VPS54: variants seen among roughly 807,000 people sequenced by gnomAD.
VPS54 encodes the protein VPS54 subunit of GARP complex, also known as vacuolar protein sorting-associated protein 54.
In VPS54, 45 loss-of-function variants were observed where a neutral mutation model predicts 121.5. The ratio of observed to expected loss-of-function variants is 0.37; its 90% CI spans 0.29 to 0.47. The LOEUF (loss-of-function observed/expected upper bound fraction) is 0.47. VPS54 is among the 20% of genes least tolerant of loss of function. VPS54 has a pLI of 0.99. For missense variants in VPS54, 1,090 were observed against 1,131.4 expected, an observed-to-expected ratio of 0.96 and a Z score of 0.52; for synonymous variants, 371 against 385.8, an observed-to-expected ratio of 0.96 and a Z score of 0.45.
intron 20 of VPS54, among the ~76,000 whole-genome samples, chr2:63,910,102 C>T (rs140770336): frequency 1.3e-5 from 2 of 152,224 alleles, no homozygotes; most frequent in African/African-American, 2.4e-5. Context: ...CAGATTAGAA[C>T]ATGAAAGGTT....
intron 15 of VPS54, among the ~76,000 whole-genome samples, chr2:63,919,563 C>G (rs944308420): frequency 1.3e-5 from 2 of 152,040 alleles, no homozygotes; most frequent in African/African-American, 4.8e-5. Flanking sequence ...ATAAAAATTC[C>G]TTAACCCTTC....
intron 3 of VPS54, among the ~76,000 whole-genome samples, chr2:63,976,451 C>T (rs1676534979): frequency 6.6e-6 from 1 of 152,004 alleles, no homozygotes; most frequent in South Asian, 2.1e-4. Context: ...TCATGACAGC[C>T]TCACCAAATG....
intron 12 of VPS54, among the ~76,000 whole-genome samples, chr2:63,923,548 A>C (rs888185793): frequency 6.6e-6 from 1 of 152,184 alleles, no homozygotes; most frequent in African/African-American, 2.4e-5. Flanking sequence ...ACAGATAAAC[A>C]AAATGTGATA....
At chr2:63,997,164 C>T (rs1677636241) in intron 1 of VPS54, among the ~76,000 whole-genome samples, 1 of 152,268 alleles carries the variant, frequency 6.6e-6, no homozygotes, top group Non-Finnish European at 1.5e-5. Flanking sequence ...CCTGCAGTTT[C>T]GTTTTCTGAT....
In VPS54 at chr2:63,912,680, G is replaced by C. The variant is rs756806686; in HGVS notation, c.2423-19C>G. The C allele has an allele frequency of 1.3e-6, 2 of 1,547,382 alleles. No individual in the cohort carries two copies. The highest frequency in any genetic ancestry group is 1.7e-6 in the Non-Finnish European group (2 of 1,160,424). The stretch of plus-strand genomic sequence containing the variant: ...GAAAGAGCTGAAGATCCAGGGAGTA[G>C]ATATATAATGGAGAAATAAAAAAAA... On this transcript the variant is annotated intron_variant, in intron 18 of 22. Coordinates refer to ENST00000272322, the MANE Select transcript of VPS54 (RefSeq NM_016516.3).
intron 12 of VPS54, among the ~76,000 whole-genome samples, chr2:63,923,039 C>A (rs972285006): frequency 2.0e-5 from 3 of 151,874 alleles, no homozygotes; most frequent in Admixed American, 6.6e-5. Context: ...GGGGCTGGGG[C>A]GCGGTGGCTC....
chr2:63,963,311 T>C (rs916863724), intron 6 of VPS54, among the ~76,000 whole-genome samples: 1 of 152,148 alleles, frequency 6.6e-6, no homozygotes, highest in African/African-American at 2.4e-5. Context: ...GTAATATATA[T>C]TTAAAATGCT....
rs138903410 is a variant in VPS54, at chr2:63,991,421, T to C, written c.-20-7402A>G. ...GGTGTTCCCTGCATATATTAAAGCT[T>C]GTGAAGGCATTGGATCAGACACCCA... On this transcript the variant is annotated intron_variant, in intron 1 of 22. Transcript: ENST00000272322. Among the ~76,000 whole-genome samples the C allele has an allele frequency of 3.0e-3, 455 of 152,294 alleles. 2 individuals are homozygous for C. The highest frequency in any genetic ancestry group is 0.011 in the African/African-American group (449 of 41,558).
At chr2:63,959,320 T>C (rs1014648911) in intron 7 of VPS54, among the ~76,000 whole-genome samples, 1 of 152,204 alleles carries the variant, frequency 6.6e-6, no homozygotes, top group African/African-American at 2.4e-5. Flanking sequence ...TATGATTCAG[T>C]ATTCTTCCTT....
chr2:63,965,495 T>C (rs931298634), intron 6 of VPS54, among the ~76,000 whole-genome samples: 4 of 152,000 alleles, frequency 2.6e-5, no homozygotes, highest in Admixed American at 2.6e-4. Context: ...AAAATAAAAA[T>C]AAATAAAATT....
chr2:63,994,819 C>T (rs1677502368), intron 1 of VPS54, among the ~76,000 whole-genome samples: 1 of 152,142 alleles, frequency 6.6e-6, no homozygotes, highest in Non-Finnish European at 1.5e-5. Context: ...AACTCACATG[C>T]AGTAATGTTT....
chr2:64,006,680 C>G (rs1207769570), intron 1 of VPS54, among the ~76,000 whole-genome samples: 1 of 151,798 alleles, frequency 6.6e-6, no homozygotes, highest in Non-Finnish European at 1.5e-5. Flanking sequence ...TGCAGTGGTG[C>G]AATCGCGGCT....
chr2:63,948,308 T>C (rs1675083110), intron 8 of VPS54, among the ~76,000 whole-genome samples: 1 of 152,092 alleles, frequency 6.6e-6, no homozygotes, highest in African/African-American at 2.4e-5. Context: ...AAGTGAAGCC[T>C]GGATATTATG....
intron 12 of VPS54, among the ~76,000 whole-genome samples, chr2:63,933,256 T>A (rs1674297656): frequency 6.6e-6 from 1 of 151,928 alleles, no homozygotes; most frequent in African/African-American, 2.4e-5. Context: ...AAACCAAAAG[T>A]TATAAATCAA....
chr2:63,969,827 A>T (rs902856434), intron 4 of VPS54, among the ~76,000 whole-genome samples: 1 of 152,168 alleles, frequency 6.6e-6, no homozygotes, highest in Non-Finnish European at 1.5e-5. Flanking sequence ...ATGTAATTTT[A>T]AAAAATGAAT....
intron 7 of VPS54, among the ~76,000 whole-genome samples, chr2:63,958,177 A>G (rs115167730): frequency 0.012 from 1,873 of 152,308 alleles, 17 homozygotes; most frequent in Non-Finnish European, 0.015. Context: ...AAGATTTAAA[A>G]TAAAAACACA....
At chr2:63,935,373 T>A (rs1382935754) in intron 11 of VPS54, among the ~76,000 whole-genome samples, 1 of 152,160 alleles carries the variant, frequency 6.6e-6, no homozygotes, top group African/African-American at 2.4e-5. Context: ...GCATTTTTTT[T>A]CTTTCTTCAT....
rs372750173 is a variant in VPS54, at chr2:63,933,714, C to T, written c.1698G>A (p.Glu566=). ...CTGGAATAGCAGATGATGATGTGTG[C>T]TCTTTGCTGGATGAAGAATCAGTAG... The part of the protein sequence containing the change: ...ECTTDSSSSK[E]HTSSSAIPGG... Residue 566 remains glutamate, a synonymous_variant, in exon 12 of 23, where the codon GAG becomes GAA. Coordinates refer to ENST00000272322, the MANE Select transcript of VPS54 (RefSeq NM_016516.3). 224 of 1,613,468 alleles carry T rather than the reference C, an allele frequency of 1.4e-4. No homozygotes were observed. Among genetic ancestry groups the T allele is most frequent in the Non-Finnish European group, 1.8e-4 (217 of 1,179,774 alleles).
chr2:63,964,241 C>A (rs1675889648), intron 6 of VPS54, among the ~76,000 whole-genome samples: 1 of 151,976 alleles, frequency 6.6e-6, no homozygotes, highest in African/African-American at 2.4e-5. Flanking sequence ...TCTGATTCTG[C>A]AATTTACAAA....
Sources: gnomAD v4.1 joint callset for allele counts (sites outside exome capture counted in the v4.1 genomes callset) on GRCh38, gnomAD v4.1.1 for gene constraint, MANE v1.5 for transcripts, NCBI Gene and HGNC (gene_info 2026-07-23, HGNC 2026-07-21) for gene names.